LOC128462377: variants seen among roughly 807,000 people sequenced by gnomAD.
the LOC128462377 span, among the ~76,000 whole-genome samples, chr16:89,318,837 C>T: frequency 1.3e-5 from 2 of 152,348 alleles, no homozygotes; most frequent in South Asian, 4.1e-4. Flanking sequence ...CTGACACCTC[C>T]ACCCGCGGTG....
the LOC128462377 span, among the ~76,000 whole-genome samples, chr16:89,348,601 T>A: frequency 6.6e-6 from 1 of 152,208 alleles, no homozygotes; most frequent in African/African-American, 2.4e-5. Context: ...GGAAGGGTGT[T>A]AACTAAAATT....
At chr16:89,359,935 T>C in the LOC128462377 span, among the ~76,000 whole-genome samples, 1 of 151,774 alleles carries the variant, frequency 6.6e-6, no homozygotes, top group Admixed American at 6.6e-5. Flanking sequence ...CATGTGAGGG[T>C]GTACTACATA....
At chr16:89,329,979 A>G in the LOC128462377 span, among the ~76,000 whole-genome samples, 1 of 149,454 alleles carries the variant, frequency 6.7e-6, no homozygotes, top group Non-Finnish European at 1.5e-5. Context: ...GACAGACAAG[A>G]GTGAGACCTT....
chr16:89,338,323 C>A, the LOC128462377 span, among the ~76,000 whole-genome samples: 1 of 151,814 alleles, frequency 6.6e-6, no homozygotes, highest in Admixed American at 6.6e-5. Flanking sequence ...AGGACAGCCA[C>A]CTGCTTACAG....
At chr16:89,342,529 G>T in the LOC128462377 span, among the ~76,000 whole-genome samples, 37 of 152,348 alleles carry the variant, frequency 2.4e-4, no homozygotes, top group African/African-American at 8.4e-4. Context: ...TGCGGCCTGC[G>T]TGGCTCTCTC....
the LOC128462377 span, among the ~76,000 whole-genome samples, chr16:89,344,824 C>T: frequency 4.6e-5 from 7 of 152,284 alleles, no homozygotes; most frequent in East Asian, 9.6e-4. Flanking sequence ...CAATAGCAGA[C>T]GAGGCGTGAG....
At chr16:89,383,256 A>G in the LOC128462377 span, among the ~76,000 whole-genome samples, 1 of 152,218 alleles carries the variant, frequency 6.6e-6, no homozygotes, top group South Asian at 2.1e-4. Context: ...AAAGCTCAAG[A>G]TAACCGGCTC....
chr16:89,407,073 G>A, the LOC128462377 span, among the ~76,000 whole-genome samples: 1 of 151,522 alleles, frequency 6.6e-6, no homozygotes, highest in East Asian at 1.9e-4. Context: ...GTAACCCCAG[G>A]TACTCGGGAG....
the LOC128462377 span, chr16:89,324,792 C>T: frequency 3.4e-6 from 1 of 290,740 alleles, no homozygotes; most frequent in South Asian, 2.9e-5. Context: ...CTGTTGGCTT[C>T]CCGACTTTTG....
chr16:89,353,717 T>A, the LOC128462377 span, among the ~76,000 whole-genome samples: 2 of 152,174 alleles, frequency 1.3e-5, no homozygotes, highest in Non-Finnish European at 2.9e-5. Flanking sequence ...TGACCTCAGC[T>A]GATCCGCCTG....
At chr16:89,357,709 G>A in the LOC128462377 span, among the ~76,000 whole-genome samples, 2 of 152,302 alleles carry the variant, frequency 1.3e-5, no homozygotes, top group East Asian at 3.9e-4. Flanking sequence ...AGCCAATGCT[G>A]CGGACTCCAC....
the LOC128462377 span, among the ~76,000 whole-genome samples, chr16:89,385,192 T>G: frequency 6.7e-6 from 1 of 150,142 alleles, no homozygotes; most frequent in Non-Finnish European, 1.5e-5. Flanking sequence ...AATGGTGTTT[T>G]TTTGTTTGTT....
chr16:89,407,583 G>A, the LOC128462377 span, among the ~76,000 whole-genome samples: 1 of 152,202 alleles, frequency 6.6e-6, no homozygotes, highest in African/African-American at 2.4e-5. Context: ...CACTTTGGGA[G>A]GCCGAGGCAG....
the LOC128462377 span, among the ~76,000 whole-genome samples, chr16:89,328,192 T>C: frequency 1.3e-5 from 2 of 152,054 alleles, no homozygotes; most frequent in African/African-American, 4.8e-5. Flanking sequence ...AAATACAAAA[T>C]ACTCAAGGAT....
chr16:89,340,279 TTGTTGTTG>T, the LOC128462377 span, among the ~76,000 whole-genome samples: 3 of 151,986 alleles, frequency 2.0e-5, no homozygotes, highest in African/African-American at 7.2e-5. Context: ...GTTGTAATTT[TTGTTGTTG>T]TTGTTTTTGA....
At chr16:89,322,686 G>A in the LOC128462377 span, among the ~76,000 whole-genome samples, 2 of 152,284 alleles carry the variant, frequency 1.3e-5, no homozygotes, top group South Asian at 4.1e-4. Context: ...GGGAGGGTGG[G>A]GAAGGGGGAG....
the LOC128462377 span, among the ~76,000 whole-genome samples, chr16:89,396,694 C>T: frequency 6.6e-6 from 1 of 152,044 alleles, no homozygotes. Context: ...GTTGTTGTTG[C>T]TGTTGTTTTT....
chr16:89,365,243 A>C, the LOC128462377 span, among the ~76,000 whole-genome samples: 36 of 152,180 alleles, frequency 2.4e-4, no homozygotes, highest in Non-Finnish European at 4.9e-4. Flanking sequence ...TTTTGTAGAA[A>C]ACCTCAGATT....
At chr16:89,388,179 A>C in the LOC128462377 span, among the ~76,000 whole-genome samples, 2 of 152,122 alleles carry the variant, frequency 1.3e-5, no homozygotes, top group African/African-American at 2.4e-5. Flanking sequence ...CTAATTCCAA[A>C]ATCAGCACTA....
Sources: gnomAD v4.1 joint callset for allele counts (sites outside exome capture counted in the v4.1 genomes callset) on GRCh38, gnomAD v4.1.1 for gene constraint, MANE v1.5 for transcripts.